GOLM1: variants seen among roughly 807,000 people sequenced by gnomAD.
GOLM1 encodes epididymis luminal protein 46.
Under a neutral mutation model 50.5 loss-of-function variants are expected in GOLM1, and 31 were observed. That is an observed-to-expected ratio of 0.61 (90% CI 0.46 to 0.83). GOLM1 has a LOEUF of 0.83. Ranked by LOEUF, GOLM1 falls within the 40% of genes least tolerant of loss-of-function variation. GOLM1 has a pLI of 0.00. For synonymous variants in GOLM1, 178 were observed against 192.8 expected, an observed-to-expected ratio of 0.92 and a Z score of 0.64; for missense variants, 491 against 501.3, an observed-to-expected ratio of 0.98 and a Z score of 0.20.
chr9:86,028,772 G>C (rs1832870609), intron 9 of GOLM1, among the ~76,000 whole-genome samples: 2 of 152,014 alleles, frequency 1.3e-5, no homozygotes, highest in African/African-American at 4.8e-5. Context: ...TCCCCTAGGG[G>C]TTTGAGCTGT....
intron 1 of GOLM1, among the ~76,000 whole-genome samples, chr9:86,093,869 C>T (rs1249910175): frequency 1.3e-5 from 2 of 152,176 alleles, no homozygotes; most frequent in East Asian, 1.9e-4. Context: ...GGAGCAATCG[C>T]GTCAGATTAG....
chr9:86,057,678 C>T (rs1834033140), intron 3 of GOLM1, among the ~76,000 whole-genome samples: 1 of 152,180 alleles, frequency 6.6e-6, no homozygotes, highest in South Asian at 2.1e-4. Flanking sequence ...GAAGCGGAGC[C>T]ATAGGCATGC....
chr9:86,057,539 A>C (rs890795640), intron 3 of GOLM1, among the ~76,000 whole-genome samples: 6 of 152,068 alleles, frequency 3.9e-5, no homozygotes, highest in Non-Finnish European at 5.9e-5. Flanking sequence ...CCACTGTGGG[A>C]AACAGAACCC....
intron 1 of GOLM1, among the ~76,000 whole-genome samples, chr9:86,087,633 GAGAGTTTTTAGCATGA>G (rs1835021024): frequency 6.6e-6 from 1 of 152,160 alleles, no homozygotes; most frequent in Admixed American, 6.5e-5. Context: ...CTAGTTTATT[GAGAGTTTTTAGCATGA>G]AGAGGTGTGG....
Position 86,026,898 on chromosome 9 carries a change from C to G in GOLM1, c.*919G>C. 3.0e-6 allele frequency: 3 copies of G among 984,522 alleles called. No homozygotes were observed. The allele number at this position is 984,522 out of a possible 1,614,324, so 61.0% of individuals were successfully genotyped here. On this transcript the variant is annotated 3_prime_UTR_variant, in exon 10 of 10. Transcript: ENST00000388712. ...CCTAATTTCTAACACTGTATATATC[C>G]TTCGACATCAATGAACTTTGTTTTC...
At chr9:86,035,671 TAAAAAAAAAAAAA>T in intron 7 of GOLM1, 46 bp from the exon 8 acceptor site, 3 of 872,646 alleles carry the variant, frequency 3.4e-6, no homozygotes, top group Non-Finnish European at 1.6e-6. Context: ...GCATTTGATT[TAAAAAAAAAAAAA>T]AAAAAAAAAG....
intron 1 of GOLM1, among the ~76,000 whole-genome samples, chr9:86,087,141 G>T (rs180830160): frequency 1.2e-4 from 18 of 152,262 alleles, no homozygotes; most frequent in Admixed American, 1.1e-3. Flanking sequence ...ACAGTGGTTT[G>T]TAGTTCTCCT....
chr9:86,047,664 T>A (rs186102165), intron 4 of GOLM1, among the ~76,000 whole-genome samples: 1 of 152,250 alleles, frequency 6.6e-6, no homozygotes, highest in Non-Finnish European at 1.5e-5. Flanking sequence ...GGGTAAATGT[T>A]CTTGTATATA....
Position 86,027,682 on chromosome 9 carries a change from C to T in GOLM1, c.*135G>A. ...CATTTTTTCCTACACAAAGTGCATA[C>T]TAAAATTTCACAATAATCATCTTCA... is the stretch of plus-strand genomic sequence containing the variant. On this transcript the variant is annotated 3_prime_UTR_variant, in exon 10 of 10. Transcript: ENST00000388712. 4 of 1,422,690 alleles carry T rather than the reference C, an allele frequency of 2.8e-6. No individual in the cohort carries two copies. Among genetic ancestry groups the T allele is most frequent in the Non-Finnish European group, 3.7e-6 (4 of 1,089,142 alleles). The allele number at this position is 1,422,690 out of a possible 1,614,324, so 88.1% of individuals were successfully genotyped here. A position where few individuals can be genotyped will look rare whatever the true frequency, so the allele number is the denominator to read the frequency against.
At chr9:86,046,240 CAG>C (rs1186137117) in intron 5 of GOLM1, among the ~76,000 whole-genome samples, 2 of 152,216 alleles carry the variant, frequency 1.3e-5, no homozygotes, top group Non-Finnish European at 1.5e-5. Context: ...CTGTGCCTTA[CAG>C]AGTTTTAAGT....
chr9:86,082,410 A>C, intron 1 of GOLM1, among the ~76,000 whole-genome samples: 4 of 140,290 alleles, frequency 2.9e-5, no homozygotes, highest in African/African-American at 2.7e-5. Context: ...ACAGGGTCTC[A>C]CTCTGTTGCT....
chr9:86,038,839 A>G (rs535488899), intron 6 of GOLM1, among the ~76,000 whole-genome samples: 1 of 152,342 alleles, frequency 6.6e-6, no homozygotes, highest in South Asian at 2.1e-4. Flanking sequence ...AAGAACGATA[A>G]AACTCTGAGA....
chr9:86,086,117 A>G (rs1251362288), intron 1 of GOLM1, among the ~76,000 whole-genome samples: 7 of 152,140 alleles, frequency 4.6e-5, no homozygotes, highest in African/African-American at 2.4e-5. Flanking sequence ...CTATTTCTCC[A>G]TTCTCTCCAG....
intron 3 of GOLM1, among the ~76,000 whole-genome samples, chr9:86,072,945 A>T (rs1188187448): frequency 1.3e-5 from 2 of 152,234 alleles, no homozygotes; most frequent in African/African-American, 4.8e-5. Context: ...ATACAGTAAA[A>T]GTAGTAAGTA....
chr9:86,036,120 G>C (rs554895662), intron 7 of GOLM1, among the ~76,000 whole-genome samples: 5 of 151,560 alleles, frequency 3.3e-5, no homozygotes, highest in Admixed American at 3.3e-4. Context: ...GGTGCAGCCT[G>C]GGCCTTTCTC....
intron 3 of GOLM1, among the ~76,000 whole-genome samples, chr9:86,075,875 C>T (rs1230995424): frequency 6.6e-6 from 1 of 152,066 alleles, no homozygotes; most frequent in Non-Finnish European, 1.5e-5. Context: ...TAAAGAAGCA[C>T]TTTATTACAA....
At chr9:86,090,070 G>A (rs1835126611) in intron 1 of GOLM1, among the ~76,000 whole-genome samples, 1 of 152,096 alleles carries the variant, frequency 6.6e-6, no homozygotes, top group South Asian at 2.1e-4. Context: ...TATCACCAGT[G>A]GAGGCATCAG....
intron 5 of GOLM1, among the ~76,000 whole-genome samples, chr9:86,043,272 C>T (rs1283959468): frequency 6.6e-6 from 1 of 152,158 alleles, no homozygotes; most frequent in African/African-American, 2.4e-5. Flanking sequence ...CTTAGTGATG[C>T]CTGCCACAGG....
At chr9:86,098,416 A>T (rs1835417153) in intron 1 of GOLM1, among the ~76,000 whole-genome samples, 1 of 152,182 alleles carries the variant, frequency 6.6e-6, no homozygotes, top group Admixed American at 6.5e-5. Flanking sequence ...AAACAAAGCC[A>T]CTCAAGCGCT....
Sources: gnomAD v4.1 joint callset for allele counts (sites outside exome capture counted in the v4.1 genomes callset) on GRCh38, gnomAD v4.1.1 for gene constraint, MANE v1.5 for transcripts, NCBI Gene and HGNC (gene_info 2026-07-23, HGNC 2026-07-21) for gene names.